FRMD8: variants seen among roughly 807,000 people sequenced by gnomAD.
FRMD8 encodes FERM domain containing 8, also known as FERM domain-containing protein 8.
A neutral mutation model predicts 54.2 loss-of-function variants in FRMD8; 37 were observed. The ratio of observed to expected loss-of-function variants is 0.68; its 90% confidence interval spans 0.53 to 0.90. The LOEUF (loss-of-function observed/expected upper bound fraction) is 0.90, where lower values mean the gene tolerates loss of function less well. Ranked by LOEUF, FRMD8 falls within the 40% of genes least tolerant of loss-of-function variation. The pLI is 0.00. For missense variants in FRMD8, 585 were observed against 653.7 expected, an observed-to-expected ratio of 0.89 and a Z score of 1.15; for synonymous variants, 246 against 286.9, an observed-to-expected ratio of 0.86 and a Z score of 1.44.
At chr11:65,393,950 T>G in intron 4 of FRMD8, 91 bp from the exon 5 acceptor site, 68 of 1,344,284 alleles carry the variant, frequency 5.1e-5, no homozygotes, top group Non-Finnish European at 6.5e-5. Context: ...CCCTGGTGGG[T>G]GAGGTTGGTG....
Position 65,411,255 on chromosome 11 carries a change from G to A in FRMD8, c.1290G>A (p.Arg430=), listed in dbSNP as rs1453675298. 1 of 1,608,238 alleles carries A rather than the reference G, an allele frequency of 6.2e-7. No individual in the cohort carries two copies. Among genetic ancestry groups the A allele is most frequent in the Non-Finnish European group, 8.5e-7 (1 of 1,178,312 alleles). ...ATTCCCTCGCAGGCAAGGGGATCAG[G>A]CGAGTGAAGCCGAAGCGCACCACAT... ...IDYVEDGKGI[R]RVKPKRTTSF... Residue 430 remains arginine, a synonymous_variant, in exon 11 of 11, where the codon AGG becomes AGA. Coordinates refer to ENST00000317568, the MANE Select transcript of FRMD8 (RefSeq NM_031904.5).
the FRMD8 span, among the ~76,000 whole-genome samples, chr11:65,371,384 C>T: frequency 6.6e-6 from 1 of 152,120 alleles, no homozygotes; most frequent in Non-Finnish European, 1.5e-5. Flanking sequence ...AACAGGAGTC[C>T]AATGGGACTT....
intron 6 of FRMD8, among the ~76,000 whole-genome samples, chr11:65,396,145 C>T (rs1050477987): frequency 1.1e-4 from 17 of 152,184 alleles, no homozygotes; most frequent in African/African-American, 4.1e-4. Context: ...TATGAGTTTC[C>T]TGGGTGGACA....
intron 2 of FRMD8, among the ~76,000 whole-genome samples, chr11:65,387,432 A>G (rs1360318613): frequency 6.6e-6 from 1 of 152,212 alleles, no homozygotes; most frequent in Non-Finnish European, 1.5e-5. Flanking sequence ...TGGGAGGCCA[A>G]GGTGGGCAGA....
intron 3 of FRMD8, 44 bp downstream of exon 3, chr11:65,389,572 G>T (rs757166148): frequency 7.9e-6 from 12 of 1,528,644 alleles, no homozygotes; most frequent in Middle Eastern, 3.4e-4. Flanking sequence ...GGTTGGAAGG[G>T]CACTGACCAG....
chr11:65,393,888 G>A lies in FRMD8; in HGVS notation c.356-153G>A, dbSNP rs192711579. ...GATGGGCTGGGAGCCACCGGGGCAC[G>A]TTGGGATGAGCTGCACACTCCACCC... On this transcript the variant is annotated intron_variant, in intron 4 of 10. Coordinates refer to ENST00000317568, the MANE Select transcript of FRMD8 (RefSeq NM_031904.5). 23 of 845,652 alleles carry A rather than the reference G, an allele frequency of 2.7e-5. No individual in the cohort carries two copies. In the Admixed American group the frequency reaches 3.0e-4, roughly 11 times the overall value. 52.4% of individuals were successfully genotyped at this position (845,652 alleles called of 1,614,324 possible).
At chr11:65,403,592 AC>A (rs1856127181) in intron 9 of FRMD8, among the ~76,000 whole-genome samples, 1 of 151,826 alleles carries the variant, frequency 6.6e-6, no homozygotes, top group Non-Finnish European at 1.5e-5. Context: ...AGTGCTTCTG[AC>A]CCCCAGTGTA....
chr11:65,385,138 A>G (rs1020649226), upstream of FRMD8, among the ~76,000 whole-genome samples: 13 of 152,250 alleles, frequency 8.5e-5, no homozygotes, highest in Middle Eastern at 3.4e-3. Flanking sequence ...TAAGCATTCA[A>G]AACAACACTG....
the FRMD8 span, among the ~76,000 whole-genome samples, chr11:65,370,639 G>A: frequency 2.0e-5 from 3 of 151,920 alleles, no homozygotes; most frequent in East Asian, 5.8e-4. Flanking sequence ...AGCAGACATC[G>A]CAGTGACCCG....
At chr11:65,376,718 G>A in the FRMD8 span, 4 of 1,613,770 alleles carry the variant, frequency 2.5e-6, no homozygotes, top group Admixed American at 3.3e-5. Context: ...ACCCAGAACA[G>A]AGCATCCTCC....
At chr11:65,389,045 G>C (rs1565595983) in intron 2 of FRMD8, among the ~76,000 whole-genome samples, 1 of 152,204 alleles carries the variant, frequency 6.6e-6, no homozygotes. Flanking sequence ...GTGAGGGGCA[G>C]GTTTGCAATG....
the FRMD8 span, among the ~76,000 whole-genome samples, chr11:65,374,758 A>G: frequency 2.6e-5 from 4 of 152,284 alleles, no homozygotes; most frequent in South Asian, 4.1e-4. Flanking sequence ...ATCTGTGCTC[A>G]GGAGTTCAAG....
In FRMD8 at chr11:65,394,374, G is replaced by T; in HGVS notation, c.530G>T (p.Arg177Leu). 1 of 1,575,822 alleles carries T rather than the reference G, an allele frequency of 6.3e-7. No homozygotes were observed. The change falls in exon 6 of 11, where the codon CGC (arginine) becomes CTC (leucine). Residue 177 changes from arginine (R) to leucine (L), a missense_variant. Arg to Leu is a moderately radical substitution (Grantham distance 102). Transcript: ENST00000317568. ...GAGGCTCTGGGCGCCCTGGTGTGCC[G>T]CGTGCAGCTTGGGCCCTACCAGCCC... Reference protein sequence around the residue: ...DCEALGALVCRVQLGPYQPGR... With the variant: ...DCEALGALVCLVQLGPYQPGR...
chr11:65,408,510 C>T (rs543644211), intron 10 of FRMD8, among the ~76,000 whole-genome samples: 7 of 151,904 alleles, frequency 4.6e-5, no homozygotes, highest in South Asian at 2.1e-4. Flanking sequence ...CAGTTTTCAG[C>T]GTTCAGCTCT....
At position 65,400,669 on chromosome 11, in the gene FRMD8, G is replaced by A. The variant is rs1428241549; in HGVS notation, c.928-55G>A. 1 of 1,481,092 alleles carries A rather than the reference G, an allele frequency of 6.8e-7. No homozygotes were observed. Among genetic ancestry groups the A allele is most frequent in the African/African-American group, 1.4e-5 (1 of 71,528 alleles). The allele number at this position is 1,481,092 out of a possible 1,614,324, so 91.7% of individuals were successfully genotyped here. A position where few individuals can be genotyped will look rare whatever the true frequency, so the allele number is the denominator to read the frequency against. ...CCAGGTGTCTGAGTGGGATGGGGTGGGGAGCAGACCTCTGCCCAGGGGTCA... is the reference window on the plus strand; with the variant it reads ...CCAGGTGTCTGAGTGGGATGGGGTGAGGAGCAGACCTCTGCCCAGGGGTCA... On this transcript the variant is annotated intron_variant, in intron 8 of 10. Coordinates refer to ENST00000317568, the MANE Select transcript of FRMD8 (RefSeq NM_031904.5). This position sits in a 1 kb window ranked among gnomAD's most constrained non-coding sequence, Gnocchi z 4.3.
chr11:65,389,362 G>T lies in FRMD8; in HGVS notation c.87G>T (p.Ala29=), dbSNP rs576749920. The part of the protein sequence containing the change: ...RSSVSSVGAR[A]ADVLVYLADD... ...GAGCCTGCCTGGTCTCCATCACAGC[G>T]GCTGACGTGCTGGTATACCTAGCGG... Residue 29 remains alanine (A), a splice_region_variant and synonymous_variant, in exon 3 of 11, where the codon GCG becomes GCT. Coordinates refer to ENST00000317568, the MANE Select transcript of FRMD8 (RefSeq NM_031904.5). 2.5e-6 allele frequency: 4 copies of T among 1,609,876 alleles called. No homozygotes were observed. The African/African-American group carries it at 5.3e-5, about 21-fold the overall frequency.
intron 3 of FRMD8, 141 bp downstream of exon 3, chr11:65,389,669 A>C (rs1368534331): frequency 5.9e-6 from 5 of 853,020 alleles, no homozygotes; most frequent in Non-Finnish European, 8.9e-6. Context: ...GTTTATCCTG[A>C]GCTGTCCACC....
the FRMD8 span, chr11:65,380,185 C>T: frequency 1.2e-6 from 2 of 1,614,036 alleles, no homozygotes; most frequent in African/African-American, 1.3e-5. Context: ...CCTGTGGTGA[C>T]AAGAGGGTGC....
At chr11:65,399,250 C>T (rs1339730170) in intron 7 of FRMD8, among the ~76,000 whole-genome samples, 4 of 152,090 alleles carry the variant, frequency 2.6e-5, no homozygotes, top group African/African-American at 4.8e-5. Flanking sequence ...CCGCCTGCCT[C>T]GGCCTCCCAA....
Sources: allele counts gnomAD v4.1 joint callset (sites outside exome capture counted in the v4.1 genomes callset), GRCh38; gene constraint gnomAD v4.1.1; non-coding constraint Gnocchi (gnomAD v3.1); transcripts MANE v1.5; gene names NCBI Gene and HGNC (gene_info 2026-07-23, HGNC 2026-07-21).